Variants in PHLPP1 observed in about 807,000 individuals in gnomAD.
The protein encoded by PHLPP1 is PH domain and leucine rich repeat protein phosphatase 1.
In PHLPP1, 42 loss-of-function variants were observed where a neutral mutation model predicts 117.2. The ratio of observed to expected loss-of-function variants is 0.36; its 90% CI spans 0.28 to 0.46. The LOEUF (loss-of-function observed/expected upper bound fraction) is 0.46. PHLPP1 is among the 20% of genes least tolerant of loss of function. The probability of loss-of-function intolerance (pLI) is 1.00; values close to 1 mark genes in which losing one functional copy is unlikely to be tolerated. For synonymous variants in PHLPP1, 1,042 were observed against 970.7 expected (o/e 1.07, Z -1.37); for missense variants, 2,084 against 2,241.9 (o/e 0.93, Z 1.42).
intron 1 of PHLPP1, among the ~76,000 whole-genome samples, chr18:62,756,578 G>A (rs1216492296): frequency 1.3e-5 from 2 of 152,166 alleles, no homozygotes; most frequent in African/African-American, 2.4e-5. Flanking sequence ...CCTTGACTTG[G>A]CGGTTTGCTC....
At chr18:62,783,430 A>G (rs779339149) in intron 1 of PHLPP1, among the ~76,000 whole-genome samples, 24 of 152,072 alleles carry the variant, frequency 1.6e-4, no homozygotes, top group East Asian at 5.8e-4. Flanking sequence ...GGGTTTCACC[A>G]TGTTAGCCAG....
intron 4 of PHLPP1, among the ~76,000 whole-genome samples, chr18:62,883,302 G>A (rs1013818773): frequency 6.6e-6 from 1 of 152,170 alleles, no homozygotes; most frequent in Non-Finnish European, 1.5e-5. Flanking sequence ...GGCTGGGAGG[G>A]CGTGTTTGTA....
rs185863259 is a variant in PHLPP1, at chr18:62,939,013, G to A, written c.2961-2705G>A. Among the ~76,000 whole-genome samples the A allele has an allele frequency of 1.5e-3, 68 of 45,114 alleles. 1 individual carries two copies. The highest frequency in any genetic ancestry group is 8.1e-3 in the East Asian group (9 of 1,116). 29.6% of individuals were successfully genotyped at this position (45,114 alleles called of 152,430 possible). On this transcript the variant is annotated intron_variant, in intron 10 of 16. Coordinates refer to ENST00000262719, the MANE Select transcript of PHLPP1 (RefSeq NM_194449.4). ...TTCTTTCTTTTTTTTTTTTTGAGCC[G>A]GAGTTTCGCTCTTGTTGCCCAGGTT...
Position 62,719,306 on chromosome 18 carries a change from G to A in PHLPP1, c.1576+2047G>A, listed in dbSNP as rs114648595. The stretch of plus-strand genomic sequence containing the variant: ...TTGCTTATTTTGGCTTTAAAGCAAA[G>A]TTGAGCTTATTTTAAGCCTAAGTTA... On this transcript the variant is annotated intron_variant, in intron 1 of 16. Transcript: ENST00000262719. Among the ~76,000 whole-genome samples, 423 of 152,332 alleles carry A rather than the reference G, an allele frequency of 2.8e-3. 1 individual carries two copies. Among genetic ancestry groups the A allele is most frequent in the African/African-American group, 9.7e-3 (404 of 41,590 alleles).
At chr18:62,776,073 T>A (rs71352593) in intron 1 of PHLPP1, among the ~76,000 whole-genome samples, 10,665 of 151,868 alleles carry the variant, frequency 0.07, 432 homozygotes, top group Middle Eastern at 0.092. Flanking sequence ...TTTAAAAAAA[T>A]ATATATATAA....
At chr18:62,803,569 C>G (rs1913848212) in intron 1 of PHLPP1, among the ~76,000 whole-genome samples, 1 of 152,046 alleles carries the variant, frequency 6.6e-6, no homozygotes, top group South Asian at 2.1e-4. Context: ...ATAATTATAC[C>G]ACAGTTAATA....
At chr18:62,720,958 G>T (rs939674034) in intron 1 of PHLPP1, among the ~76,000 whole-genome samples, 28 of 152,140 alleles carry the variant, frequency 1.8e-4, no homozygotes, top group Admixed American at 1.8e-3. Context: ...GATCTGACTC[G>T]TCGTATTTCC....
At chr18:62,793,432 C>T (rs1447557549) in intron 1 of PHLPP1, among the ~76,000 whole-genome samples, 1 of 152,172 alleles carries the variant, frequency 6.6e-6, no homozygotes, top group Non-Finnish European at 1.5e-5. Context: ...CCAGATTTAC[C>T]TGTTGATGGA....
Position 62,979,598 on chromosome 18 carries a change from T to C in PHLPP1, c.*167T>C. The C allele has an allele frequency of 1.4e-6, 1 of 703,778 alleles. No homozygotes were observed. The highest frequency in any genetic ancestry group is 2.3e-6 in the Non-Finnish European group (1 of 430,726). The allele number at this position is 703,778 out of a possible 1,614,324, so 43.6% of individuals were successfully genotyped here. A position where few individuals can be genotyped will look rare whatever the true frequency, so the allele number is the denominator to read the frequency against. ...GGTTCTCTTTCTTTGGGTTATTTTT[T>C]TAAGTAATCACCACTTTCTTCTAGT... On this transcript the variant is annotated 3_prime_UTR_variant, in exon 17 of 17. Transcript: ENST00000262719.
intron 12 of PHLPP1, among the ~76,000 whole-genome samples, chr18:62,946,897 G>T (rs8093614): frequency 0.14 from 20,730 of 151,876 alleles, 2,100 homozygotes; most frequent in African/African-American, 0.29. Context: ...ACTAAAAATA[G>T]AAAAAATTAG....
chr18:62,952,269 A>T (rs1488791708), intron 12 of PHLPP1, among the ~76,000 whole-genome samples: 1 of 152,120 alleles, frequency 6.6e-6, no homozygotes, highest in Non-Finnish European at 1.5e-5. Flanking sequence ...CTTTGGGGAT[A>T]AAAAAAGAAG....
At chr18:62,730,218 C>A (rs1276756182) in intron 1 of PHLPP1, among the ~76,000 whole-genome samples, 1 of 152,218 alleles carries the variant, frequency 6.6e-6, no homozygotes, top group African/African-American at 2.4e-5. Context: ...TAGTTACCAC[C>A]TGGACTTGAG....
At chr18:62,769,071 G>A (rs1473724165) in intron 1 of PHLPP1, among the ~76,000 whole-genome samples, 1 of 152,128 alleles carries the variant, frequency 6.6e-6, no homozygotes, top group Non-Finnish European at 1.5e-5. Context: ...GATAGACTAA[G>A]TCCTTAAAAG....
chr18:62,845,759 GT>G (rs1915165225), intron 3 of PHLPP1, among the ~76,000 whole-genome samples: 1 of 152,152 alleles, frequency 6.6e-6, no homozygotes, highest in Admixed American at 6.5e-5. Flanking sequence ...GCTGTAGTTT[GT>G]AACTTTGAGG....
chr18:62,745,585 G>A (rs1223375492), intron 1 of PHLPP1, among the ~76,000 whole-genome samples: 1 of 152,146 alleles, frequency 6.6e-6, no homozygotes, highest in Non-Finnish European at 1.5e-5. Context: ...GGTGAGTGAC[G>A]GGGATGTGCT....
In PHLPP1 at chr18:62,735,564, AAACAACAACAACAAC is replaced by A. The variant is rs34600395; in HGVS notation, c.1576+18332_1576+18346del. 1.9e-3 allele frequency among the ~76,000 whole-genome samples: 267 copies of A among 142,992 alleles called. 2 individuals are homozygous for A. Among genetic ancestry groups the A allele is most frequent in the Non-Finnish European group, 3.7e-3 (229 of 62,520 alleles). The allele number at this position is 142,992 out of a possible 152,430, so 93.8% of individuals were successfully genotyped here. A position where few individuals can be genotyped will look rare whatever the true frequency, so the allele number is the denominator to read the frequency against. ...ACTTCCCCTTCCCAGCCCCCCATCA[AAACAACAACAACAAC>A]AACAACAACAACAACAACAACAACA... On this transcript the variant is annotated intron_variant, in intron 1 of 16. Transcript: ENST00000262719.
chr18:62,856,130 A>T (rs144750100), intron 3 of PHLPP1, among the ~76,000 whole-genome samples: 20 of 152,270 alleles, frequency 1.3e-4, no homozygotes, highest in African/African-American at 2.6e-4. Context: ...TGAGTGTACT[A>T]TGGCATTTTA....
At chr18:62,854,854 G>A (rs1230378942) in intron 3 of PHLPP1, among the ~76,000 whole-genome samples, 1 of 151,870 alleles carries the variant, frequency 6.6e-6, no homozygotes, top group Non-Finnish European at 1.5e-5. Context: ...CCACCACCAC[G>A]CCTGGTTAAT....
chr18:62,761,425 G>C (rs964498189), intron 1 of PHLPP1, among the ~76,000 whole-genome samples: 9 of 151,912 alleles, frequency 5.9e-5, no homozygotes, highest in African/African-American at 2.2e-4. Context: ...GAGGTCATGA[G>C]ATCGAGACCA....
Sources: gnomAD v4.1 joint callset for allele counts (sites outside exome capture counted in the v4.1 genomes callset) on GRCh38, gnomAD v4.1.1 for gene constraint, MANE v1.5 for transcripts, NCBI Gene and HGNC (gene_info 2026-07-23, HGNC 2026-07-21) for gene names.